The following EYS variants were observed in gnomAD, a reference collection of about 807,000 sequenced individuals.
The protein encoded by EYS is protein eyes shut homolog.
In EYS, 250 loss-of-function variants were observed where a neutral mutation model predicts 282.1. The ratio of observed to expected loss-of-function variants is 0.89; its 90% CI spans 0.80 to 0.98. EYS has a LOEUF of 0.98. EYS is among the 50% of genes least tolerant of loss of function. EYS has a pLI of 0.00. For missense variants in EYS, 4,016 were observed against 3,709.0 expected (o/e 1.08, Z -2.15); for synonymous variants, 1,355 against 1,282.9 (o/e 1.06, Z -1.20).
intron 12 of EYS, among the ~76,000 whole-genome samples, chr6:65,106,064 C>T (rs1043347897): frequency 6.6e-6 from 1 of 151,836 alleles, no homozygotes; most frequent in African/African-American, 2.4e-5. Flanking sequence ...TCTGAAAAAT[C>T]ATGAAAATGG....
At chr6:64,169,517 T>C (rs1240475477) in intron 31 of EYS, among the ~76,000 whole-genome samples, 1 of 151,058 alleles carries the variant, frequency 6.6e-6, no homozygotes, top group Non-Finnish European at 1.5e-5. Flanking sequence ...AAGCTGGGGC[T>C]AGTAAATGGG....
chr6:65,147,468 C>T (rs1764507661), intron 12 of EYS, among the ~76,000 whole-genome samples: 1 of 151,992 alleles, frequency 6.6e-6, no homozygotes, highest in African/African-American at 2.4e-5. Context: ...TTCTTCCAGG[C>T]AGTTATTTGC....
intron 29 of EYS, among the ~76,000 whole-genome samples, chr6:64,324,391 A>G (rs1770333397): frequency 6.6e-6 from 1 of 152,218 alleles, no homozygotes; most frequent in Non-Finnish European, 1.5e-5. Flanking sequence ...TCAAATAATC[A>G]TTGTGACAGA....
intron 33 of EYS, among the ~76,000 whole-genome samples, chr6:64,021,284 G>A (rs190433959): frequency 5.3e-5 from 8 of 151,972 alleles, no homozygotes; most frequent in East Asian, 3.9e-4. Flanking sequence ...TGGATTCAAC[G>A]CCACACATGA....
rs1435155263 is a variant in EYS, at chr6:64,912,603, T to G, written c.2522A>C (p.Tyr841Ser). The G allele has an allele frequency of 6.4e-7, 1 of 1,551,214 alleles. No homozygotes were observed. Among genetic ancestry groups the G allele is most frequent in the Admixed American group, 2.0e-5 (1 of 50,958 alleles). The change falls in exon 16 of 43, where the codon TAT (tyrosine) becomes TCT (serine). Residue 841 changes from tyrosine (Y) to serine (S), a missense_variant. By Grantham distance (144) the Tyr-to-Ser change is moderately radical. Transcript: ENST00000503581. ...GCGTTGGTGGCAAAATTGTCCAGTA[T>G]AAAGGGGTGGGCACAGACATACAAA... is the stretch of plus-strand genomic sequence containing the variant. Reference protein sequence around the residue: ...GQFVCLCPPLYTGQFCHQRYN... With the variant: ...GQFVCLCPPLSTGQFCHQRYN...
At chr6:64,553,671 T>C (rs1372353337) in intron 26 of EYS, among the ~76,000 whole-genome samples, 2 of 151,654 alleles carry the variant, frequency 1.3e-5, no homozygotes, top group African/African-American at 2.4e-5. Context: ...TCAAGTATCC[T>C]GAGTTAACTC....
In EYS at chr6:63,765,494, T is replaced by A. The variant is rs187752155; in HGVS notation, c.7899-2861A>T. 1.4e-3 allele frequency among the ~76,000 whole-genome samples: 205 copies of A among 151,798 alleles called. 3 individuals carry two copies. In the East Asian group the frequency reaches 0.025, roughly 19 times the overall value. On this transcript the variant is annotated intron_variant, in intron 40 of 42. Coordinates refer to ENST00000503581, the MANE Select transcript of EYS (RefSeq NM_001142800.2). Reference sequence around the variant, plus strand: ...TCAGGCAGTTCAACTTTTTTTTTTTTAAAACTATTTATTAACTTTTGTGGG... The same window carrying A: ...TCAGGCAGTTCAACTTTTTTTTTTTAAAAACTATTTATTAACTTTTGTGGG...
chr6:65,366,216 T>C (rs1404979345), intron 8 of EYS, among the ~76,000 whole-genome samples: 1 of 151,738 alleles, frequency 6.6e-6, no homozygotes, highest in Non-Finnish European at 1.5e-5. Flanking sequence ...AGCAAAATGT[T>C]ACAAGCCAAG....
intron 12 of EYS, among the ~76,000 whole-genome samples, chr6:65,072,769 CAT>C (rs746156385): frequency 6.6e-6 from 1 of 150,720 alleles, no homozygotes; most frequent in Non-Finnish European, 1.5e-5. Flanking sequence ...CCAAAAAGAA[CAT>C]GACAAAGGAT....
intron 5 of EYS, among the ~76,000 whole-genome samples, chr6:65,475,050 T>C (rs1434531040): frequency 1.3e-5 from 2 of 152,092 alleles, no homozygotes; most frequent in Non-Finnish European, 2.9e-5. Flanking sequence ...AAAGTCAGAT[T>C]TTTTCAGACA....
At chr6:64,508,958 GC>G (rs1777300350) in intron 26 of EYS, among the ~76,000 whole-genome samples, 3 of 151,520 alleles carry the variant, frequency 2.0e-5, no homozygotes, top group Admixed American at 2.0e-4. Flanking sequence ...TATTCTTTAG[GC>G]AGGTTTTTGC....
chr6:63,876,638 A>G (rs1422445528), intron 35 of EYS, among the ~76,000 whole-genome samples: 1 of 152,164 alleles, frequency 6.6e-6, no homozygotes, highest in Non-Finnish European at 1.5e-5. Flanking sequence ...GGCTTGCTTT[A>G]TGAATCTGGG....
intron 35 of EYS, among the ~76,000 whole-genome samples, chr6:63,947,049 A>C (rs566135377): frequency 6.6e-6 from 1 of 152,248 alleles, no homozygotes; most frequent in South Asian, 2.1e-4. Context: ...TATTTTATTA[A>C]AATCATGAAA....
At chr6:65,469,294 A>G (rs534655322) in intron 5 of EYS, among the ~76,000 whole-genome samples, 2 of 152,170 alleles carry the variant, frequency 1.3e-5, no homozygotes, top group African/African-American at 4.8e-5. Context: ...CAATTTTTTG[A>G]CATGTAATAT....
chr6:65,473,965 C>T (rs978896082), intron 5 of EYS, among the ~76,000 whole-genome samples: 1 of 151,762 alleles, frequency 6.6e-6, no homozygotes, highest in Non-Finnish European at 1.5e-5. Flanking sequence ...GGATGAGTTG[C>T]TACATTAAAG....
chr6:64,934,374 T>C (rs144008753), intron 15 of EYS, among the ~76,000 whole-genome samples: 7 of 151,932 alleles, frequency 4.6e-5, no homozygotes, highest in Non-Finnish European at 5.9e-5. Flanking sequence ...CAAAACTTTC[T>C]GAATATTATG....
At chr6:65,610,751 C>A (rs1170354631) in intron 2 of EYS, among the ~76,000 whole-genome samples, 1 of 152,054 alleles carries the variant, frequency 6.6e-6, no homozygotes, top group Non-Finnish European at 1.5e-5. Context: ...TCCTTATGAT[C>A]AAAGCCAATT....
At chr6:64,121,080 C>G (rs558112772) in intron 31 of EYS, among the ~76,000 whole-genome samples, 6 of 152,254 alleles carry the variant, frequency 3.9e-5, no homozygotes, top group African/African-American at 1.4e-4. Context: ...CCCCCTCCCC[C>G]ATAGACAATT....
At chr6:63,802,749 GA>G (rs1229306533) in intron 37 of EYS, among the ~76,000 whole-genome samples, 1 of 151,686 alleles carries the variant, frequency 6.6e-6, no homozygotes, top group Admixed American at 6.6e-5. Flanking sequence ...TCCATTTAAA[GA>G]AAAAGCTCTT....
Sources: gnomAD v4.1 joint callset for allele counts (sites outside exome capture counted in the v4.1 genomes callset) on GRCh38, gnomAD v4.1.1 for gene constraint, MANE v1.5 for transcripts, NCBI Gene and HGNC (gene_info 2026-07-23, HGNC 2026-07-21) for gene names.